Variants in ALK observed in about 807,000 individuals in gnomAD.
The protein encoded by ALK is ALK tyrosine kinase receptor.
A neutral mutation model predicts 163.1 loss-of-function variants in ALK; 74 were observed. The observed-to-expected ratio is 0.45, with a 90% CI of 0.38 to 0.55. The LOEUF (loss-of-function observed/expected upper bound fraction) is 0.55, where lower values mean the gene tolerates loss of function less well. Among genes scored for constraint, ALK ranks in the 20% least tolerant of loss-of-function variants. The pLI is 0.00. For synonymous variants in ALK, 960 were observed against 843.2 expected, an observed-to-expected ratio of 1.14 and a Z score of -2.40; for missense variants, 2,063 against 2,105.3, an observed-to-expected ratio of 0.98 and a Z score of 0.39.
chr2:29,786,260 C>A (rs1265803798), intron 1 of ALK, among the ~76,000 whole-genome samples: 1 of 152,032 alleles, frequency 6.6e-6, no homozygotes, highest in South Asian at 2.1e-4. Context: ...CTATAGAACC[C>A]GAGAAGGATA....
chr2:29,899,881 G>A (rs1452235114), intron 1 of ALK, among the ~76,000 whole-genome samples: 1 of 152,038 alleles, frequency 6.6e-6, no homozygotes, highest in Non-Finnish European at 1.5e-5. Context: ...CCACACCCTT[G>A]ATTGTTGAGC....
chr2:29,547,330 C>T (rs1673582418), intron 3 of ALK, among the ~76,000 whole-genome samples: 1 of 152,198 alleles, frequency 6.6e-6, no homozygotes, highest in Non-Finnish European at 1.5e-5. Context: ...GGCGAGGTGG[C>T]TCATGCCTGT....
At chr2:29,697,539 C>A (rs566457243) in intron 2 of ALK, among the ~76,000 whole-genome samples, 2 of 152,264 alleles carry the variant, frequency 1.3e-5, no homozygotes, top group East Asian at 3.9e-4. Flanking sequence ...CCATGGCGGG[C>A]TCTCAAAGCT....
rs77916492 is a variant in ALK, at chr2:29,487,040, T to C, written c.1154+44875A>G. 8.8e-3 allele frequency among the ~76,000 whole-genome samples: 1,338 copies of C among 152,288 alleles called. 18 individuals are homozygous for C. Among genetic ancestry groups the C allele is most frequent in the African/African-American group, 0.03 (1,226 of 41,556 alleles). ...ATGCCAACTAACTGACCTATATCAA[T>C]GTTTCCAGAAGAGTTAGAGGGGATC... On this transcript the variant is annotated intron_variant, in intron 4 of 28. Coordinates refer to ENST00000389048, the MANE Select transcript of ALK (RefSeq NM_004304.5).
chr2:29,907,518 T>G (rs1667583069), intron 1 of ALK, among the ~76,000 whole-genome samples: 1 of 152,198 alleles, frequency 6.6e-6, no homozygotes, highest in African/African-American at 2.4e-5. Flanking sequence ...CTCCACTCCA[T>G]CTGCCTTGCT....
intron 2 of ALK, among the ~76,000 whole-genome samples, chr2:29,699,377 A>T (rs1678666188): frequency 6.6e-6 from 1 of 152,176 alleles, no homozygotes; most frequent in Non-Finnish European, 1.5e-5. Flanking sequence ...CTGAGGCTTA[A>T]AAAGTTTTCT....
chr2:29,794,659 G>A (rs1042108263), intron 1 of ALK, among the ~76,000 whole-genome samples: 3 of 152,118 alleles, frequency 2.0e-5, no homozygotes, highest in Non-Finnish European at 4.4e-5. Flanking sequence ...AGGGAACAGG[G>A]AAGCCCAAGG....
At chr2:29,460,848 G>T (rs1423628375) in intron 4 of ALK, among the ~76,000 whole-genome samples, 1 of 152,120 alleles carries the variant, frequency 6.6e-6, no homozygotes, top group African/African-American at 2.4e-5. Flanking sequence ...TCAAAAGTTG[G>T]AAATGATTAA....
chr2:29,477,173 C>A (rs4586600), intron 4 of ALK, among the ~76,000 whole-genome samples: 18 of 151,896 alleles, frequency 1.2e-4, no homozygotes, highest in East Asian at 5.9e-4. Context: ...AGAGATACTT[C>A]CTGGGGTGGA....
chr2:29,196,938 G>T, intron 27 of ALK, 78 bp from the exon 28 acceptor site: 1 of 1,258,872 alleles, frequency 7.9e-7, no homozygotes, highest in Non-Finnish European at 1.1e-6. Context: ...CCCCAGGGTT[G>T]CAACGAATAC....
intron 1 of ALK, among the ~76,000 whole-genome samples, chr2:29,890,206 C>T (rs1336758812): frequency 6.6e-6 from 1 of 152,156 alleles, no homozygotes; most frequent in Non-Finnish European, 1.5e-5. Context: ...AGACCATGTG[C>T]CACTAGAATG....
intron 1 of ALK, among the ~76,000 whole-genome samples, chr2:29,762,742 A>G (rs1680743071): frequency 6.6e-6 from 1 of 152,192 alleles, no homozygotes; most frequent in Admixed American, 6.5e-5. Flanking sequence ...AGGTTAGAGG[A>G]GAGACTTTAA....
intron 1 of ALK, among the ~76,000 whole-genome samples, chr2:29,879,075 A>C (rs1176835039): frequency 6.6e-6 from 1 of 152,160 alleles, no homozygotes; most frequent in East Asian, 1.9e-4. Flanking sequence ...CCAAAGACAC[A>C]AGATCCTTTG....
intron 1 of ALK, among the ~76,000 whole-genome samples, chr2:29,832,819 G>A (rs542797041): frequency 7.2e-5 from 11 of 152,186 alleles, no homozygotes; most frequent in Non-Finnish European, 1.3e-4. Flanking sequence ...AATCAAGTAA[G>A]AATAGAAATA....
At chr2:29,732,470 T>C (rs991660549) in intron 1 of ALK, among the ~76,000 whole-genome samples, 14 of 152,234 alleles carry the variant, frequency 9.2e-5, no homozygotes, top group African/African-American at 3.4e-4. Context: ...GAGGTTTTCC[T>C]GCCTGAGGTA....
At chr2:29,340,390 C>T (rs967751895) in intron 5 of ALK, among the ~76,000 whole-genome samples, 1 of 152,166 alleles carries the variant, frequency 6.6e-6, no homozygotes, top group African/African-American at 2.4e-5. Context: ...GGAATAAAGA[C>T]AGGAGCACCT....
chr2:29,508,733 CAAAAAAAAA>C (rs60719550), intron 4 of ALK, among the ~76,000 whole-genome samples: 3 of 65,494 alleles, frequency 4.6e-5, no homozygotes, highest in Non-Finnish European at 7.7e-5. Context: ...ATCTGCAACT[CAAAAAAAAA>C]AAAAAAAAAA....
At chr2:29,249,535 A>G (rs1558637685) in intron 12 of ALK, among the ~76,000 whole-genome samples, 1 of 151,980 alleles carries the variant, frequency 6.6e-6, no homozygotes, top group Non-Finnish European at 1.5e-5. Flanking sequence ...TAGAAACAAC[A>G]CAGACTTTGA....
intron 1 of ALK, among the ~76,000 whole-genome samples, chr2:29,721,218 T>G (rs1679411267): frequency 6.6e-6 from 1 of 152,240 alleles, no homozygotes; most frequent in African/African-American, 2.4e-5. Flanking sequence ...AATTTTTCAC[T>G]GTGTATCATC....
Sources: allele counts gnomAD v4.1 joint callset (sites outside exome capture counted in the v4.1 genomes callset), GRCh38; gene constraint gnomAD v4.1.1; transcripts MANE v1.5; gene names NCBI Gene and HGNC (gene_info 2026-07-23, HGNC 2026-07-21).